Variants in ERBB4 observed in about 807,000 individuals in gnomAD.
ERBB4 encodes the protein erb-b2 receptor tyrosine kinase 4.
A neutral mutation model predicts 158.0 loss-of-function variants in ERBB4; 42 were observed. The ratio of observed to expected loss-of-function variants is 0.27; its 90% CI spans 0.21 to 0.34. The LOEUF is 0.34. ERBB4 is among the 10% of genes least tolerant of loss of function. The pLI, the probability that ERBB4 is intolerant of heterozygous loss-of-function variation, is 1.00. For synonymous variants in ERBB4, 583 were observed against 558.7 expected (o/e 1.04, Z -0.61); for missense variants, 1,333 against 1,624.1 (o/e 0.82, Z 3.08).
chr2:212,297,921 TAAAG>T (rs1437105923), intron 1 of ERBB4, among the ~76,000 whole-genome samples: 1 of 151,638 alleles, frequency 6.6e-6, no homozygotes, highest in African/African-American at 2.4e-5. Context: ...AATTTTGAAA[TAAAG>T]TAAGTTCAAT....
chr2:211,624,128 G>C, intron 17 of ERBB4, 84 bp from the exon 18 acceptor site: 2 of 1,514,060 alleles, frequency 1.3e-6, no homozygotes, highest in East Asian at 4.7e-5. Context: ...TCTCTCTTTG[G>C]TTCTCTTTCT....
intron 2 of ERBB4, among the ~76,000 whole-genome samples, chr2:211,967,612 C>T (rs1041993495): frequency 2.6e-5 from 4 of 151,788 alleles, no homozygotes; most frequent in East Asian, 1.9e-4. Context: ...GTGAAAGGAC[C>T]AAAATTAGAT....
chr2:211,785,027 T>C (rs2076124221), intron 4 of ERBB4, among the ~76,000 whole-genome samples: 1 of 152,166 alleles, frequency 6.6e-6, no homozygotes. Flanking sequence ...ATACATGATT[T>C]ACAAATATTT....
intron 5 of ERBB4, among the ~76,000 whole-genome samples, chr2:211,747,483 G>A (rs941081825): frequency 3.3e-5 from 5 of 152,142 alleles, no homozygotes; most frequent in African/African-American, 1.2e-4. Context: ...TACTGGGGCT[G>A]ACCATCTAGA....
chr2:212,145,727 T>TAAAAAA (rs5838300), intron 1 of ERBB4, among the ~76,000 whole-genome samples: 16 of 88,882 alleles, frequency 1.8e-4, no homozygotes, highest in Non-Finnish European at 3.0e-4. Flanking sequence ...CAGCATGCAG[T>TAAAAAA]AAAAAAAAAA....
At chr2:211,444,107 GTT>G (rs1274485596) in intron 20 of ERBB4, among the ~76,000 whole-genome samples, 4 of 150,080 alleles carry the variant, frequency 2.7e-5, no homozygotes, top group African/African-American at 7.4e-5. Context: ...AGTTTGTGGG[GTT>G]TTTTTTGTAT....
At chr2:212,355,812 G>C (rs891026220) in intron 1 of ERBB4, among the ~76,000 whole-genome samples, 12 of 151,922 alleles carry the variant, frequency 7.9e-5, no homozygotes, top group Non-Finnish European at 1.8e-4. Context: ...ATGTGTGTAT[G>C]TGTGAGTGTG....
intron 3 of ERBB4, among the ~76,000 whole-genome samples, chr2:211,793,821 C>G (rs910280052): frequency 6.6e-6 from 1 of 151,884 alleles, no homozygotes; most frequent in Non-Finnish European, 1.5e-5. Context: ...AGCTGAGACT[C>G]AAAAGGCTAA....
chr2:211,697,485 T>C (rs1276951241), intron 12 of ERBB4, among the ~76,000 whole-genome samples: 1 of 152,140 alleles, frequency 6.6e-6, no homozygotes, highest in Admixed American at 6.5e-5. Flanking sequence ...GACAAATTAT[T>C]CAAATTACCA....
intron 1 of ERBB4, among the ~76,000 whole-genome samples, chr2:212,364,042 G>T (rs1002329185): frequency 3.3e-5 from 5 of 151,666 alleles, no homozygotes; most frequent in African/African-American, 1.2e-4. Context: ...TGGTAAACTG[G>T]TTAGTTAACT....
At chr2:212,060,394 C>T (rs2077722134) in intron 2 of ERBB4, among the ~76,000 whole-genome samples, 1 of 151,560 alleles carries the variant, frequency 6.6e-6, no homozygotes, top group South Asian at 2.1e-4. Flanking sequence ...TTGTGGAAGA[C>T]AGTGTGGCAA....
At chr2:211,419,962 C>A (rs1021489452) in intron 25 of ERBB4, among the ~76,000 whole-genome samples, 1 of 151,936 alleles carries the variant, frequency 6.6e-6, no homozygotes, top group African/African-American at 2.4e-5. Flanking sequence ...AAGGACTGCA[C>A]GGTTTTCTGT....
chr2:212,240,340 A>G (rs1466844964), intron 1 of ERBB4, among the ~76,000 whole-genome samples: 2 of 152,062 alleles, frequency 1.3e-5, no homozygotes, highest in South Asian at 2.1e-4. Flanking sequence ...AAGGAAAAGA[A>G]TATCCTTATC....
rs998254383 is a variant in ERBB4 at position 211,850,831 on chromosome 2, T to A, written c.422-62672A>T. ...AGCACTATCTAAAATTATTTTTCTT[T>A]TTATTAGAACTGAAAGATAATCTAA... On this transcript the variant is annotated intron_variant, in intron 3 of 27. Transcript: ENST00000342788. Among the ~76,000 whole-genome samples, 4 of 151,934 alleles carry A rather than the reference T, an allele frequency of 2.6e-5. No homozygotes were observed. In the East Asian group the frequency reaches 7.7e-4, roughly 29 times the overall value.
rs1045671410 is a variant in ERBB4 at position 212,487,130 on chromosome 2, A to T, written c.82+51319T>A. 7.2e-5 allele frequency among the ~76,000 whole-genome samples: 11 copies of T among 152,100 alleles called. No homozygotes were observed. In the East Asian group the frequency reaches 7.7e-4, roughly 11 times the overall value. ...AGATAATCCCTTGATATTTCTTTTA[A>T]TTCTCTGATTCTACAAAGACAGTAC... On this transcript the variant is annotated intron_variant, in intron 1 of 27. Coordinates refer to ENST00000342788, the MANE Select transcript of ERBB4 (RefSeq NM_005235.3).
intron 1 of ERBB4, among the ~76,000 whole-genome samples, chr2:212,451,236 T>C (rs1399122164): frequency 6.6e-6 from 1 of 152,220 alleles, no homozygotes; most frequent in Non-Finnish European, 1.5e-5. Context: ...AGAAATTTTC[T>C]GTGAAGCTGG....
intron 1 of ERBB4, among the ~76,000 whole-genome samples, chr2:212,431,322 A>C (rs1354776244): frequency 6.6e-6 from 1 of 150,714 alleles, no homozygotes; most frequent in Non-Finnish European, 1.5e-5. Context: ...AAAAAAAAAA[A>C]AAAAAAAACC....
At chr2:212,031,282 A>G (rs2076896988) in intron 2 of ERBB4, among the ~76,000 whole-genome samples, 1 of 152,140 alleles carries the variant, frequency 6.6e-6, no homozygotes, top group Non-Finnish European at 1.5e-5. Flanking sequence ...CCAGTCATTC[A>G]AATGTTTCCA....
At chr2:211,580,515 A>T (rs2125767811) in intron 19 of ERBB4, among the ~76,000 whole-genome samples, 1 of 151,964 alleles carries the variant, frequency 6.6e-6, no homozygotes, top group South Asian at 2.1e-4. Flanking sequence ...GTTGGCATGG[A>T]TGCAGTGAAC....
Sources: gnomAD v4.1 joint callset for allele counts (sites outside exome capture counted in the v4.1 genomes callset) on GRCh38, gnomAD v4.1.1 for gene constraint, MANE v1.5 for transcripts, NCBI Gene and HGNC (gene_info 2026-07-23, HGNC 2026-07-21) for gene names.